Variants in ZNF385B observed in about 807,000 individuals in gnomAD.
ZNF385B encodes zinc finger protein 385B.
ZNF385B carries 23 observed loss-of-function variants against 39.2 expected under a neutral mutation model. That is an observed-to-expected ratio of 0.59 (90% CI 0.42 to 0.83). The LOEUF (loss-of-function observed/expected upper bound fraction) is 0.83. Ranked by LOEUF, ZNF385B falls within the 40% of genes least tolerant of loss-of-function variation. The pLI is 0.00. For synonymous variants in ZNF385B, 205 were observed against 222.6 expected, an observed-to-expected ratio of 0.92 and a Z score of 0.70; for missense variants, 552 against 598.9, an observed-to-expected ratio of 0.92 and a Z score of 0.82.
intron 3 of ZNF385B, among the ~76,000 whole-genome samples, chr2:179,706,369 C>T (rs1699600040): frequency 6.6e-6 from 1 of 152,186 alleles, no homozygotes; most frequent in African/African-American, 2.4e-5. Context: ...CCTCAATAAA[C>T]ACTGGGTCCT....
intron 3 of ZNF385B, among the ~76,000 whole-genome samples, chr2:179,613,168 T>C (rs1477464424): frequency 6.6e-6 from 1 of 152,144 alleles, no homozygotes; most frequent in African/African-American, 2.4e-5. Context: ...GGTCCAGAAA[T>C]GCTTTTCCAG....
At chr2:179,856,081 T>C (rs1559255557) in intron 1 of ZNF385B, among the ~76,000 whole-genome samples, 1 of 152,198 alleles carries the variant, frequency 6.6e-6, no homozygotes, top group Non-Finnish European at 1.5e-5. Flanking sequence ...AACCATCCCC[T>C]AGAAATGGCT....
At chr2:179,593,686 AACT>A (rs1687761230) in intron 3 of ZNF385B, among the ~76,000 whole-genome samples, 1 of 152,186 alleles carries the variant, frequency 6.6e-6, no homozygotes, top group African/African-American at 2.4e-5. Flanking sequence ...CCAAAATGTC[AACT>A]ACTGTCAACA....
intron 3 of ZNF385B, among the ~76,000 whole-genome samples, chr2:179,684,012 T>C (rs1697737447): frequency 6.6e-6 from 1 of 152,180 alleles, no homozygotes; most frequent in Non-Finnish European, 1.5e-5. Context: ...AGAAACGTTA[T>C]AAATTTAAGG....
At chr2:179,504,677 AG>A (rs1468915239) in intron 5 of ZNF385B, among the ~76,000 whole-genome samples, 6 of 150,726 alleles carry the variant, frequency 4.0e-5, no homozygotes, top group African/African-American at 1.2e-4. Flanking sequence ...GAGAGGGGGG[AG>A]GGATAGCATT....
chr2:179,582,504 T>C (rs1686644032), intron 3 of ZNF385B, among the ~76,000 whole-genome samples: 1 of 152,104 alleles, frequency 6.6e-6, no homozygotes, highest in Non-Finnish European at 1.5e-5. Flanking sequence ...ACAGATCAGA[T>C]GGGGTTTTTT....
At chr2:179,798,309 C>T (rs950355292) in intron 1 of ZNF385B, among the ~76,000 whole-genome samples, 1 of 151,972 alleles carries the variant, frequency 6.6e-6, no homozygotes, top group Non-Finnish European at 1.5e-5. Flanking sequence ...CCAAGGACAC[C>T]CCATTCCTCA....
intron 6 of ZNF385B, among the ~76,000 whole-genome samples, chr2:179,462,175 T>A (rs1381457256): frequency 6.6e-6 from 1 of 152,238 alleles, no homozygotes; most frequent in African/African-American, 2.4e-5. Flanking sequence ...CATCTCATTA[T>A]TATTCCAAAA....
At chr2:179,837,466 A>T (rs2106609229) in intron 1 of ZNF385B, among the ~76,000 whole-genome samples, 1 of 152,344 alleles carries the variant, frequency 6.6e-6, no homozygotes, top group African/African-American at 2.4e-5. Context: ...TCTAAAGCAC[A>T]TTCAGGAAAA....
At chr2:179,822,408 T>C (rs1441901716) in intron 1 of ZNF385B, among the ~76,000 whole-genome samples, 1 of 152,260 alleles carries the variant, frequency 6.6e-6, no homozygotes, top group African/African-American at 2.4e-5. Context: ...AATACTACCA[T>C]TTAATGATGG....
chr2:179,668,688 T>C (rs2106296820), intron 3 of ZNF385B, among the ~76,000 whole-genome samples: 1 of 151,972 alleles, frequency 6.6e-6, no homozygotes, highest in East Asian at 1.9e-4. Context: ...TCTACAAAAA[T>C]TCATTGCTAC....
chr2:179,858,037 CT>C (rs1684736842), intron 1 of ZNF385B, among the ~76,000 whole-genome samples: 1 of 152,120 alleles, frequency 6.6e-6, no homozygotes, highest in African/African-American at 2.4e-5. Flanking sequence ...GAAGCTTATT[CT>C]GCACAACCAA....
At chr2:179,822,325 T>C (rs1707446241) in intron 1 of ZNF385B, among the ~76,000 whole-genome samples, 1 of 152,226 alleles carries the variant, frequency 6.6e-6, no homozygotes, top group Admixed American at 6.5e-5. Context: ...CACCCAAAAC[T>C]AGCTGTTATA....
rs1487283954 is a variant in ZNF385B at position 179,537,765 on chromosome 2, AC to A, written c.441+7061del. 1.0e-4 allele frequency among the ~76,000 whole-genome samples: 13 copies of A among 125,004 alleles called. No individual in the cohort carries two copies. In the South Asian group the frequency reaches 1.3e-3, roughly 12 times the overall value. The allele number at this position is 125,004 out of a possible 152,430, so 82.0% of individuals were successfully genotyped here. ...CAAAAACAAACAAACAAACAAACAA[AC>A]AAAAAAAAAAATTAATAGAAATGTA... On this transcript the variant is annotated intron_variant, in intron 4 of 9. Transcript: ENST00000410066.
At chr2:179,854,556 T>C (rs1052087592) in intron 1 of ZNF385B, among the ~76,000 whole-genome samples, 156 of 152,224 alleles carry the variant, frequency 1.0e-3, no homozygotes, top group African/African-American at 3.6e-3. Context: ...AATTTGAAGC[T>C]GAGCCCTGGC....
intron 3 of ZNF385B, among the ~76,000 whole-genome samples, chr2:179,645,871 T>G (rs1443392597): frequency 6.6e-6 from 1 of 152,198 alleles, no homozygotes; most frequent in Non-Finnish European, 1.5e-5. Flanking sequence ...AACTGTATTT[T>G]TTTTCATGCC....
At chr2:179,547,812 T>A (rs776984434) in intron 3 of ZNF385B, among the ~76,000 whole-genome samples, 4 of 149,660 alleles carry the variant, frequency 2.7e-5, no homozygotes, top group Non-Finnish European at 5.9e-5. Flanking sequence ...CTTTGGGTAG[T>A]ATGGACATTT....
chr2:179,590,239 A>G (rs1054704122), intron 3 of ZNF385B, among the ~76,000 whole-genome samples: 2 of 152,210 alleles, frequency 1.3e-5, no homozygotes, highest in Non-Finnish European at 2.9e-5. Context: ...ATGTTCCTCA[A>G]CTTCAGACAG....
At position 179,694,699 on chromosome 2, in the gene ZNF385B, G is replaced by T. The variant is rs189615504; in HGVS notation, c.298+74804C>A. The stretch of plus-strand genomic sequence containing the variant: ...AATCCCAGCAATTTGGGAGGTCAAG[G>T]TAGGCAGATCATTTGAGGTCAGGAG... On this transcript the variant is annotated intron_variant, in intron 3 of 9. Transcript: ENST00000410066. 8.5e-4 allele frequency among the ~76,000 whole-genome samples: 130 copies of T among 152,272 alleles called. 1 individual carries two copies. Among genetic ancestry groups the T allele is most frequent in the Middle Eastern group, 3.4e-3 (1 of 294 alleles).
Sources: allele counts gnomAD v4.1 joint callset (sites outside exome capture counted in the v4.1 genomes callset), GRCh38; gene constraint gnomAD v4.1.1; transcripts MANE v1.5; gene names NCBI Gene and HGNC (gene_info 2026-07-23, HGNC 2026-07-21).